Variants in RHOQ observed in about 807,000 individuals in gnomAD.
The protein encoded by RHOQ is rho-related GTP-binding protein RhoQ.
RHOQ carries 7 observed loss-of-function variants against 25.8 expected under a neutral mutation model. That is an observed-to-expected ratio of 0.27 (90% CI 0.15 to 0.51). The LOEUF (loss-of-function observed/expected upper bound fraction) is 0.51, where lower values mean the gene tolerates loss of function less well. Among genes scored for constraint, RHOQ ranks in the 20% least tolerant of loss-of-function variants. The pLI is 0.97. For synonymous variants in RHOQ, 97 were observed against 98.6 expected (o/e 0.98, Z 0.10); for missense variants, 165 against 260.6 (o/e 0.63, Z 2.53).
At chr2:46,546,554 G>C in intron 2 of RHOQ, among the ~76,000 whole-genome samples, 1 of 122,448 alleles carries the variant, frequency 8.2e-6, no homozygotes, top group South Asian at 2.8e-4. Context: ...AAGCCTAGTG[G>C]GCAGCAGAGA....
intron 2 of RHOQ, among the ~76,000 whole-genome samples, chr2:46,570,708 G>A (rs1668885749): frequency 1.3e-5 from 2 of 152,206 alleles, no homozygotes; most frequent in African/African-American, 4.8e-5. Flanking sequence ...GTGACACAGA[G>A]AATTGCTACT....
chr2:46,576,480 G>T lies in RHOQ; in HGVS notation c.367-81G>T. On this transcript the variant is annotated intron_variant, in intron 3 of 4. Transcript: ENST00000238738. The surrounding 1 kb of genome is among the most constrained non-coding windows in gnomAD (Gnocchi z 5.1). ...TTGTTTAATCTTTTTTTGGTATGTG[G>T]GAATTAAGTGGGATTACATGCTTTG... The T allele has an allele frequency of 1.1e-6, 1 of 910,678 alleles. No homozygotes were observed. The highest frequency in any genetic ancestry group is 1.7e-5 in the South Asian group (1 of 57,306). 56.4% of individuals were successfully genotyped at this position (910,678 alleles called of 1,614,324 possible). A position where few individuals can be genotyped will look rare whatever the true frequency, so the allele number is the denominator to read the frequency against.
chr2:46,553,021 C>T (rs1365904472), intron 2 of RHOQ, among the ~76,000 whole-genome samples: 2 of 152,218 alleles, frequency 1.3e-5, no homozygotes, highest in African/African-American at 4.8e-5. Context: ...CACTGGTTCT[C>T]AAAGTGTGAT....
intron 2 of RHOQ, among the ~76,000 whole-genome samples, chr2:46,557,238 G>A (rs1170915380): frequency 1.3e-5 from 2 of 152,282 alleles, no homozygotes; most frequent in South Asian, 4.1e-4. Flanking sequence ...AAAACATTCA[G>A]TGTACCCAGA....
At chr2:46,558,126 C>G (rs1391852206) in intron 2 of RHOQ, among the ~76,000 whole-genome samples, 1 of 152,192 alleles carries the variant, frequency 6.6e-6, no homozygotes, top group Non-Finnish European at 1.5e-5. Context: ...CTGTCAGTTT[C>G]TTCTTTTGCA....
rs935364353 is a variant in RHOQ at position 46,584,490 on chromosome 2, A to T, written c.*3407A>T. Among the ~76,000 whole-genome samples, 3 of 152,190 alleles carry T rather than the reference A, an allele frequency of 2.0e-5. No homozygotes were observed. Among genetic ancestry groups the T allele is most frequent in the Non-Finnish European group, 4.4e-5 (3 of 68,014 alleles). ...AATTTCAGTATGGCTCTTTGTTCTC[A>T]AACACATACATACCACCACGCACAT... On this transcript the variant is annotated 3_prime_UTR_variant, in exon 5 of 5. Transcript: ENST00000238738.
intron 2 of RHOQ, chr2:46,572,615 C>A (rs1206702570): frequency 3.5e-5 from 11 of 316,724 alleles, no homozygotes; most frequent in African/African-American, 2.4e-4. Flanking sequence ...TGTTGAACAG[C>A]TGTCTTTAAT....
At chr2:46,545,780 G>A (rs1394954907) in intron 2 of RHOQ, among the ~76,000 whole-genome samples, 2 of 152,194 alleles carry the variant, frequency 1.3e-5, no homozygotes, top group Non-Finnish European at 1.5e-5. Context: ...AATCTTCACA[G>A]CCATTCTCTG....
intron 2 of RHOQ, among the ~76,000 whole-genome samples, 200 bp from the exon 3 acceptor site, chr2:46,575,886 AT>A (rs199698989): frequency 2.6e-5 from 4 of 151,310 alleles, no homozygotes; most frequent in Non-Finnish European, 3.0e-5. Context: ...TGATATTGTC[AT>A]TTTTTTTTAC....
chr2:46,567,305 T>C (rs1240498915), intron 2 of RHOQ, among the ~76,000 whole-genome samples: 2 of 152,210 alleles, frequency 1.3e-5, no homozygotes, highest in Non-Finnish European at 2.9e-5. Flanking sequence ...TTTTTATTAG[T>C]GACTCAGATA....
chr2:46,581,332 G>A lies in RHOQ; in HGVS notation c.*249G>A, dbSNP rs746415852. ...AACTAGAAGGTACAATCTCTCAGGG[G>A]TTTCATAGTTTAAAAAGCTACAATC... On this transcript the variant is annotated 3_prime_UTR_variant, in exon 5 of 5. Coordinates refer to ENST00000238738, the MANE Select transcript of RHOQ (RefSeq NM_012249.4). 9.6e-6 allele frequency: 12 copies of A among 1,256,464 alleles called. No homozygotes were observed. Among genetic ancestry groups the A allele is most frequent in the African/African-American group, 1.5e-5 (1 of 66,018 alleles). 77.8% of individuals were successfully genotyped at this position (1,256,464 alleles called of 1,614,324 possible).
In RHOQ at chr2:46,582,093, A is replaced by C. The variant is rs1308264439; in HGVS notation, c.*1010A>C. 6.5e-6 allele frequency: 1 copy of C among 154,922 alleles called. No individual in the cohort carries two copies. Among genetic ancestry groups the C allele is most frequent in the Non-Finnish European group, 1.4e-5 (1 of 69,946 alleles). The allele number at this position is 154,922 out of a possible 1,614,324, so 9.6% of individuals were successfully genotyped here. A position where few individuals can be genotyped will look rare whatever the true frequency, so the allele number is the denominator to read the frequency against. ...CAGAGCAGCTGCTTCCACCTTTCAG[A>C]TATAGATGTTGGAACCACAGCAGAA... On this transcript the variant is annotated 3_prime_UTR_variant, in exon 5 of 5. Transcript: ENST00000238738.
At chr2:46,578,947 T>C (rs13013245) in intron 4 of RHOQ, among the ~76,000 whole-genome samples, 37,210 of 152,002 alleles carry the variant, frequency 0.24, 4,889 homozygotes, top group Admixed American at 0.3. Flanking sequence ...CTTTGTACCT[T>C]ATATAAAATT....
intron 2 of RHOQ, chr2:46,568,676 CAG>C (rs1668812423): frequency 6.6e-6 from 1 of 152,196 alleles, no homozygotes; most frequent in African/African-American, 2.4e-5. Context: ...TAAATGCTAG[CAG>C]AGTTTCCCCA....
At chr2:46,575,419 A>ACT (rs1437739276) in intron 2 of RHOQ, among the ~76,000 whole-genome samples, 1 of 151,234 alleles carries the variant, frequency 6.6e-6, no homozygotes, top group Non-Finnish European at 1.5e-5. Context: ...ACACACACAC[A>ACT]CACACACACA....
chr2:46,579,990 C>T (rs1167730300), intron 4 of RHOQ: 1 of 152,546 alleles, frequency 6.6e-6, no homozygotes, highest in Non-Finnish European at 1.5e-5. Context: ...TGGTTCAGAC[C>T]TCCTCCATCT....
At chr2:46,575,506 G>A (rs548579331) in intron 2 of RHOQ, among the ~76,000 whole-genome samples, 1 of 151,674 alleles carries the variant, frequency 6.6e-6, no homozygotes, top group South Asian at 2.1e-4. Context: ...CTGTATAGTG[G>A]TTAAGAGTAT....
chr2:46,581,601 G>A lies in RHOQ; in HGVS notation c.*518G>A. On this transcript the variant is annotated 3_prime_UTR_variant, in exon 5 of 5. Transcript: ENST00000238738. ...AGGAGATGGGCCATACCTGAGGAGA[G>A]AATGTATGAGATCAAAAAAGAACAA... is the stretch of plus-strand genomic sequence containing the variant. 2 of 1,609,514 alleles carry A rather than the reference G, an allele frequency of 1.2e-6. No individual in the cohort carries two copies. The highest frequency in any genetic ancestry group is 1.7e-6 in the Non-Finnish European group (2 of 1,178,586).
chr2:46,543,280 C>A, intron 1 of RHOQ, 92 bp downstream of exon 1: 1 of 1,440,872 alleles, frequency 6.9e-7, no homozygotes, highest in Non-Finnish European at 9.7e-7. Flanking sequence ...CTCCCCAGAG[C>A]GCACTCCTCT....
Sources: allele counts gnomAD v4.1 joint callset (sites outside exome capture counted in the v4.1 genomes callset), GRCh38; gene constraint gnomAD v4.1.1; non-coding constraint Gnocchi (gnomAD v3.1); transcripts MANE v1.5; gene names NCBI Gene and HGNC (gene_info 2026-07-23, HGNC 2026-07-21).